The following TMEM117 variants were observed in gnomAD, a reference collection of about 807,000 sequenced individuals.
TMEM117 encodes the protein transmembrane protein 117.
TMEM117 carries 27 observed loss-of-function variants against 52.4 expected under a neutral mutation model. That is an observed-to-expected ratio of 0.51 (90% confidence interval 0.38 to 0.71). TMEM117 has a LOEUF of 0.71. TMEM117 is among the 30% of genes least tolerant of loss of function. The probability of loss-of-function intolerance (pLI) is 0.00; values close to 1 mark genes in which losing one functional copy is unlikely to be tolerated. For missense variants in TMEM117, 556 were observed against 630.5 expected (o/e 0.88, Z 1.26); for synonymous variants, 215 against 206.3 (o/e 1.04, Z -0.36).
chr12:44,146,679 T>A (rs1414224043), intron 4 of TMEM117, among the ~76,000 whole-genome samples: 1 of 152,190 alleles, frequency 6.6e-6, no homozygotes, highest in African/African-American at 2.4e-5. Flanking sequence ...TATGTGTATA[T>A]TGATAACATT....
chr12:43,828,073 T>A, the TMEM117 span, among the ~76,000 whole-genome samples: 1 of 152,344 alleles, frequency 6.6e-6, no homozygotes, highest in East Asian at 1.9e-4. Context: ...TTTACACTTC[T>A]AGTCCCTAGA....
chr12:43,844,581 A>G (rs1487445193), intron 1 of TMEM117, 43 bp from the exon 2 acceptor site: 1 of 1,492,326 alleles, frequency 6.7e-7, no homozygotes, highest in East Asian at 2.3e-5. Flanking sequence ...GAAAGCCATT[A>G]CTTGTTTTCC....
intron 4 of TMEM117, among the ~76,000 whole-genome samples, chr12:44,192,820 C>T (rs1362292031): frequency 6.6e-5 from 10 of 152,136 alleles, no homozygotes; most frequent in African/African-American, 2.4e-5. Context: ...TCCAAGCTGT[C>T]TGGTTATATT....
At chr12:44,290,891 G>C (rs1380505777) in intron 5 of TMEM117, among the ~76,000 whole-genome samples, 1 of 152,082 alleles carries the variant, frequency 6.6e-6, no homozygotes, top group Non-Finnish European at 1.5e-5. Context: ...CTCCTACCTT[G>C]GTCTCCCAAA....
intron 2 of TMEM117, among the ~76,000 whole-genome samples, chr12:43,933,057 A>G (rs893161187): frequency 1.3e-5 from 2 of 152,194 alleles, no homozygotes; most frequent in Non-Finnish European, 2.9e-5. Flanking sequence ...ATTCTTGACA[A>G]TTTAACTTTT....
chr12:44,196,969 G>A lies in TMEM117; in HGVS notation c.511-14321G>A, dbSNP rs567694700. Reference sequence around the variant, plus strand: ...AACATCAAGCCTATAGTTATCTTCCGCACATTAGCCTACAGATTTGGGTTT... The same window carrying A: ...AACATCAAGCCTATAGTTATCTTCCACACATTAGCCTACAGATTTGGGTTT... On this transcript the variant is annotated intron_variant, in intron 4 of 7. Transcript: ENST00000266534. Among the ~76,000 whole-genome samples, 20 of 152,174 alleles carry A rather than the reference G, an allele frequency of 1.3e-4. No homozygotes were observed. The East Asian group carries it at 1.7e-3, about 13-fold the overall frequency.
rs77866956 is a variant in TMEM117, at chr12:43,918,135, G to A, written c.278-26075G>A. ...ATTTGACAAAAATATAGCCTACAGGGTGCTGCAGACTGCCTGCAGAGTGCT... is the reference window on the plus strand; with the variant it reads ...ATTTGACAAAAATATAGCCTACAGGATGCTGCAGACTGCCTGCAGAGTGCT... On this transcript the variant is annotated intron_variant, in intron 2 of 7. Transcript: ENST00000266534. 7.0e-3 allele frequency among the ~76,000 whole-genome samples: 1,065 copies of A among 152,252 alleles called. 10 individuals are homozygous for A. Among genetic ancestry groups the A allele is most frequent in the African/African-American group, 0.023 (961 of 41,544 alleles).
chr12:44,394,655 T>C (rs919884705), downstream of TMEM117, among the ~76,000 whole-genome samples: 25 of 152,204 alleles, frequency 1.6e-4, no homozygotes, highest in African/African-American at 5.8e-4. Context: ...TTATGATTTC[T>C]TTACTAGCTT....
At chr12:44,253,593 G>C (rs984210850) in intron 5 of TMEM117, among the ~76,000 whole-genome samples, 1 of 152,100 alleles carries the variant, frequency 6.6e-6, no homozygotes, top group Non-Finnish European at 1.5e-5. Context: ...AGGATTGCTT[G>C]ATTGGGTCCA....
chr12:44,262,319 A>T (rs1367076920), intron 5 of TMEM117, among the ~76,000 whole-genome samples: 1 of 152,182 alleles, frequency 6.6e-6, no homozygotes, highest in Non-Finnish European at 1.5e-5. Flanking sequence ...ATGTAATATA[A>T]ATATAGCAAG....
At chr12:44,171,599 T>G (rs577964188) in intron 4 of TMEM117, among the ~76,000 whole-genome samples, 153 of 152,314 alleles carry the variant, frequency 1.0e-3, no homozygotes, top group Middle Eastern at 6.8e-3. Context: ...CCTGAAAGAT[T>G]TCTCCCAAGT....
intron 5 of TMEM117, among the ~76,000 whole-genome samples, chr12:44,282,798 G>A (rs997007378): frequency 4.6e-5 from 7 of 152,232 alleles, no homozygotes; most frequent in Non-Finnish European, 1.0e-4. Context: ...AAGACCACGT[G>A]TAAAATATCT....
At chr12:43,806,025 A>G in the TMEM117 span, 1 of 1,521,484 alleles carries the variant, frequency 6.6e-7, no homozygotes, top group Non-Finnish European at 8.8e-7. Context: ...GGCAGCAGGG[A>G]CCGGGCTGGA....
At chr12:43,998,134 C>T (rs7301406) in intron 3 of TMEM117, among the ~76,000 whole-genome samples, 117,632 of 152,074 alleles carry the variant, frequency 0.77, 48,817 homozygotes, top group Non-Finnish European at 0.9. Context: ...AGCAAAAATC[C>T]CTCACAACTG....
At chr12:44,382,873 G>A (rs535829024) in intron 7 of TMEM117, among the ~76,000 whole-genome samples, 4 of 152,268 alleles carry the variant, frequency 2.6e-5, no homozygotes, top group African/African-American at 9.6e-5. Context: ...ACTTAATGTG[G>A]TTTCTAGATA....
chr12:44,000,245 A>G (rs1946094713), intron 3 of TMEM117, among the ~76,000 whole-genome samples: 1 of 152,200 alleles, frequency 6.6e-6, no homozygotes, highest in Non-Finnish European at 1.5e-5. Context: ...GGAAGGCAGG[A>G]GAGAACCTCC....
At chr12:44,308,010 T>G (rs1026637933) in intron 6 of TMEM117, among the ~76,000 whole-genome samples, 1 of 152,216 alleles carries the variant, frequency 6.6e-6, no homozygotes, top group Non-Finnish European at 1.5e-5. Context: ...GTAAATTCTG[T>G]GAGGGATTAT....
At chr12:44,158,468 C>G (rs1948856691) in intron 4 of TMEM117, among the ~76,000 whole-genome samples, 1 of 152,126 alleles carries the variant, frequency 6.6e-6, no homozygotes, top group South Asian at 2.1e-4. Context: ...GAGATAGTGT[C>G]TTATGGGATT....
At chr12:44,074,328 A>G (rs1947348243) in intron 3 of TMEM117, among the ~76,000 whole-genome samples, 1 of 152,182 alleles carries the variant, frequency 6.6e-6, no homozygotes, top group Admixed American at 6.5e-5. Flanking sequence ...ACATGGGAAC[A>G]TTTGGGCATC....
Sources: gnomAD v4.1 joint callset for allele counts (sites outside exome capture counted in the v4.1 genomes callset) on GRCh38, gnomAD v4.1.1 for gene constraint, MANE v1.5 for transcripts, NCBI Gene and HGNC (gene_info 2026-07-23, HGNC 2026-07-21) for gene names.